STX8: variants seen among roughly 807,000 people sequenced by gnomAD.
The protein encoded by STX8 is syntaxin-8.
A neutral mutation model predicts 37.5 loss-of-function variants in STX8; 23 were observed. The ratio of observed to expected loss-of-function variants is 0.61; its 90% CI spans 0.44 to 0.87. The LOEUF is 0.87. Among genes scored for constraint, STX8 ranks in the 40% least tolerant of loss-of-function variants. The pLI, the probability that STX8 is intolerant of heterozygous loss-of-function variation, is 0.00. For missense variants in STX8, 313 were observed against 284.7 expected (o/e 1.10, Z -0.71); for synonymous variants, 115 against 99.1 (o/e 1.16, Z -0.95).
rs952451833 is a variant in STX8 at position 9,417,467 on chromosome 17, A to G, written c.542-38814T>C. 2.6e-5 allele frequency among the ~76,000 whole-genome samples: 4 copies of G among 152,056 alleles called. No homozygotes were observed. The East Asian group carries it at 5.8e-4, about 22-fold the overall frequency. ...TTAGTTGGGGTATAATAAAAAATCT[A>G]TTTGTCTTTGTCCCCAGTTCCTGGC... On this transcript the variant is annotated intron_variant, in intron 6 of 7. Transcript: ENST00000306357.
intron 6 of STX8, among the ~76,000 whole-genome samples, chr17:9,419,091 T>C (rs905862144): frequency 4.0e-5 from 6 of 151,864 alleles, no homozygotes; most frequent in African/African-American, 1.5e-4. Flanking sequence ...CCCTAATTTT[T>C]TTCAAAAATT....
intron 6 of STX8, among the ~76,000 whole-genome samples, chr17:9,405,842 GAAAT>G (rs1232930339): frequency 1.3e-5 from 2 of 152,146 alleles, no homozygotes; most frequent in Non-Finnish European, 2.9e-5. Context: ...ACCTCTTTCT[GAAAT>G]TATCAAACCA....
intron 7 of STX8, among the ~76,000 whole-genome samples, chr17:9,331,607 G>A (rs1909963917): frequency 6.6e-6 from 1 of 152,204 alleles, no homozygotes; most frequent in Admixed American, 6.5e-5. Flanking sequence ...GTTGGGAGAA[G>A]CTAATCAATG....
At chr17:9,574,540 TTA>T (rs1485069536) in intron 1 of STX8, among the ~76,000 whole-genome samples, 11 of 63,732 alleles carry the variant, frequency 1.7e-4, no homozygotes, top group South Asian at 1.4e-3. Flanking sequence ...TTGGGGTTTT[TTA>T]TTTTTTTTTG....
At chr17:9,305,169 T>C (rs1244292901) in intron 7 of STX8, among the ~76,000 whole-genome samples, 2 of 152,074 alleles carry the variant, frequency 1.3e-5, no homozygotes, top group Admixed American at 1.3e-4. Flanking sequence ...CTCGGCTCAC[T>C]GCAACCTCCA....
chr17:9,427,247 A>T (rs1182773136), intron 6 of STX8, among the ~76,000 whole-genome samples: 1 of 152,134 alleles, frequency 6.6e-6, no homozygotes, highest in East Asian at 1.9e-4. Flanking sequence ...CATGAGATCT[A>T]TCACACCATG....
intron 7 of STX8, among the ~76,000 whole-genome samples, chr17:9,298,527 C>A (rs1169292074): frequency 6.6e-6 from 1 of 152,008 alleles, no homozygotes; most frequent in Non-Finnish European, 1.5e-5. Context: ...ACCAAAAAAA[C>A]CGGGCCAGCC....
Position 9,318,788 on chromosome 17 carries a change from C to T in STX8, c.643+59764G>A, listed in dbSNP as rs145942226. Among the ~76,000 whole-genome samples, 171 of 151,412 alleles carry T rather than the reference C, an allele frequency of 1.1e-3. 1 individual carries two copies. Among genetic ancestry groups the T allele is most frequent in the African/African-American group, 4.0e-3 (164 of 40,738 alleles). ...CATAAGGCATACCACTCTTGCCCCC[C>T]TGTTTTAGAAGGTTTAGAATATAGT... On this transcript the variant is annotated intron_variant, in intron 7 of 7. Coordinates refer to ENST00000306357, the MANE Select transcript of STX8 (RefSeq NM_004853.3).
intron 7 of STX8, among the ~76,000 whole-genome samples, chr17:9,330,009 G>T (rs970286061): frequency 2.6e-5 from 4 of 152,068 alleles, no homozygotes; most frequent in African/African-American, 4.8e-5. Context: ...AGGTGTGCAG[G>T]CCCCTTGCTC....
At chr17:9,376,894 A>G (rs1449359337) in intron 7 of STX8, among the ~76,000 whole-genome samples, 2 of 152,230 alleles carry the variant, frequency 1.3e-5, no homozygotes, top group African/African-American at 4.8e-5. Context: ...TCTCATCTTT[A>G]AAGTTTCAGG....
intron 7 of STX8, among the ~76,000 whole-genome samples, chr17:9,349,292 C>T (rs866467261): frequency 2.0e-5 from 3 of 150,510 alleles, no homozygotes; most frequent in African/African-American, 7.3e-5. Flanking sequence ...CCACTGCACC[C>T]GGCCGATAAA....
At chr17:9,572,397 T>G (rs1907718921) in intron 1 of STX8, among the ~76,000 whole-genome samples, 1 of 147,256 alleles carries the variant, frequency 6.8e-6, no homozygotes, top group South Asian at 2.2e-4. Flanking sequence ...TTTTTATAGG[T>G]TGTTTTTGTT....
intron 6 of STX8, among the ~76,000 whole-genome samples, chr17:9,425,075 GT>G (rs898730648): frequency 5.9e-5 from 9 of 152,176 alleles, no homozygotes; most frequent in African/African-American, 1.9e-4. Context: ...TTTTTATGGG[GT>G]AGGACAGAGG....
At chr17:9,488,547 A>C (rs530903067) in intron 6 of STX8, among the ~76,000 whole-genome samples, 1 of 152,202 alleles carries the variant, frequency 6.6e-6, no homozygotes, top group African/African-American at 2.4e-5. Flanking sequence ...AAAGTAGAAG[A>C]GGGAGGCAGC....
Position 9,305,942 on chromosome 17 carries a change from A to C in STX8, c.644-55297T>G, listed in dbSNP as rs529467160. Among the ~76,000 whole-genome samples the C allele has an allele frequency of 2.1e-4, 32 of 151,388 alleles. No individual in the cohort carries two copies. In the South Asian group the frequency reaches 2.5e-3, roughly 12 times the overall value. On this transcript the variant is annotated intron_variant, in intron 7 of 7. Coordinates refer to ENST00000306357, the MANE Select transcript of STX8 (RefSeq NM_004853.3). ...GTATTTTTAGAAGAGACGGGGTTTC[A>C]CCATGTTGGTCAGGCTGGTCTTGAA...
chr17:9,542,659 A>G (rs1906329094), intron 4 of STX8, among the ~76,000 whole-genome samples: 1 of 152,098 alleles, frequency 6.6e-6, no homozygotes, highest in Non-Finnish European at 1.5e-5. Context: ...CCTGGGCGAC[A>G]GAGCAAGACT....
intron 2 of STX8, among the ~76,000 whole-genome samples, chr17:9,561,686 A>G (rs1352836486): frequency 7.9e-6 from 1 of 126,866 alleles, no homozygotes; most frequent in Non-Finnish European, 1.7e-5. Context: ...AAAAAAAAAA[A>G]GAATAGATAT....
intron 7 of STX8, among the ~76,000 whole-genome samples, chr17:9,306,756 C>T (rs1909007214): frequency 6.6e-6 from 1 of 151,916 alleles, no homozygotes; most frequent in Admixed American, 6.6e-5. Flanking sequence ...CCAAGCGAGA[C>T]TCTGTCTCAA....
chr17:9,269,916 GC>G (rs1907388794), intron 7 of STX8, among the ~76,000 whole-genome samples: 2 of 152,308 alleles, frequency 1.3e-5, no homozygotes, highest in African/African-American at 4.8e-5. Context: ...CCTCCCCCAT[GC>G]CCAGGGTAAT....
Sources: gnomAD v4.1 joint callset for allele counts (sites outside exome capture counted in the v4.1 genomes callset) on GRCh38, gnomAD v4.1.1 for gene constraint, MANE v1.5 for transcripts, NCBI Gene and HGNC (gene_info 2026-07-23, HGNC 2026-07-21) for gene names.